The following RNF111 variants were observed in gnomAD, a reference collection of about 807,000 sequenced individuals.
RNF111 encodes ring finger protein 111.
A neutral mutation model predicts 95.1 loss-of-function variants in RNF111; 17 were observed. That is an observed-to-expected ratio of 0.18 (90% CI 0.12 to 0.27). The LOEUF is 0.27. RNF111 is among the 10% of genes least tolerant of loss of function. The pLI, the probability that RNF111 is intolerant of heterozygous loss-of-function variation, is 1.00. For synonymous variants in RNF111, 440 were observed against 414.8 expected (o/e 1.06, Z -0.74); for missense variants, 1,189 against 1,210.4 (o/e 0.98, Z 0.26).
At position 59,080,980 on chromosome 15, in the gene RNF111, C is replaced by T; in HGVS notation, c.1993C>T (p.Pro665Ser). 1 of 1,613,874 alleles carries T rather than the reference C, an allele frequency of 6.2e-7. No individual in the cohort carries two copies. Among genetic ancestry groups the T allele is most frequent in the Non-Finnish European group, 8.5e-7 (1 of 1,179,864 alleles). The change falls in exon 8 of 14, where the codon CCG becomes TCG. Residue 665 changes from proline to serine, a missense_variant. By Grantham distance (74) the Pro-to-Ser change is moderately conservative. This residue lies in a region of RNF111 where 1,024 missense variants were observed against 925.9 expected (regional missense o/e 1.11). Transcript: ENST00000348370. Reference protein sequence around the residue: ...RPLHHQASACPHSHGNPPPQT... With the variant: ...RPLHHQASACSHSHGNPPPQT... ...ACTTCATCATCAAGCTTCTGCCTGC[C>T]CGCATTCTCATGGAAACCCCCCTCC...
intron 2 of RNF111, among the ~76,000 whole-genome samples, chr15:59,041,571 A>G (rs1380394302): frequency 2.6e-5 from 4 of 152,214 alleles, no homozygotes; most frequent in African/African-American, 9.6e-5. Flanking sequence ...AAAAGAAAAA[A>G]AAAATTACTG....
At chr15:58,989,011 G>A (rs1567190670) in intron 1 of RNF111, among the ~76,000 whole-genome samples, 1 of 152,092 alleles carries the variant, frequency 6.6e-6, no homozygotes, top group African/African-American at 2.4e-5. Context: ...AGAACAAACT[G>A]GGAAAAACAT....
intron 2 of RNF111, among the ~76,000 whole-genome samples, chr15:59,040,382 G>T (rs1402385141): frequency 6.6e-6 from 1 of 151,948 alleles, no homozygotes; most frequent in East Asian, 1.9e-4. Context: ...TACCATGTTA[G>T]CCTCCTCATT....
intron 2 of RNF111, among the ~76,000 whole-genome samples, chr15:59,042,354 T>A (rs2041506373): frequency 6.6e-6 from 1 of 152,156 alleles, no homozygotes. Flanking sequence ...CTTGAACTTC[T>A]GAGCTCAAGT....
chr15:59,050,412 G>C (rs1408001276), intron 2 of RNF111: 4 of 152,272 alleles, frequency 2.6e-5, no homozygotes, highest in Non-Finnish European at 4.4e-5. Flanking sequence ...GAAGATGGTG[G>C]TTTCTGGCGA....
rs2079165515 is a variant in RNF111, at chr15:59,095,694, A to G, written c.*794A>G. On this transcript the variant is annotated 3_prime_UTR_variant, in exon 14 of 14. Coordinates refer to ENST00000348370, the MANE Select transcript of RNF111 (RefSeq NM_017610.8). ...GAAACAGCTCTGATGAACACTAAATATTAATTTCAATTAGCTAGATTGTAC... is the reference window on the plus strand; with the variant it reads ...GAAACAGCTCTGATGAACACTAAATGTTAATTTCAATTAGCTAGATTGTAC... 1 of 247,942 alleles carries G rather than the reference A, an allele frequency of 4.0e-6. No individual in the cohort carries two copies. Among genetic ancestry groups the G allele is most frequent in the Non-Finnish European group, 7.6e-6 (1 of 131,616 alleles). The allele number at this position is 247,942 out of a possible 1,614,324, so 15.4% of individuals were successfully genotyped here.
At chr15:59,073,086 T>G (rs2043011389) in intron 6 of RNF111, among the ~76,000 whole-genome samples, 1 of 151,974 alleles carries the variant, frequency 6.6e-6, no homozygotes, top group African/African-American at 2.4e-5. Context: ...GTTGGGAGGA[T>G]TGCTTGAGCT....
intron 10 of RNF111, among the ~76,000 whole-genome samples, chr15:59,088,564 A>G (rs1173742933): frequency 6.6e-6 from 1 of 152,212 alleles, no homozygotes; most frequent in East Asian, 1.9e-4. Flanking sequence ...GGCTAATTAA[A>G]AAGTAATGTC....
intron 1 of RNF111, among the ~76,000 whole-genome samples, chr15:59,020,165 A>G (rs1172232798): frequency 6.7e-6 from 1 of 148,716 alleles, no homozygotes; most frequent in Non-Finnish European, 1.5e-5. Context: ...AATTTGTTAG[A>G]TATGTAATAT....
Position 59,097,321 on chromosome 15 carries a change from T to A in RNF111, c.*2421T>A, listed in dbSNP as rs1230836080. 1 of 152,268 alleles carries A rather than the reference T, an allele frequency of 6.6e-6. No homozygotes were observed. The highest frequency in any genetic ancestry group is 6.5e-5 in the Admixed American group (1 of 15,286). The allele number at this position is 152,268 out of a possible 1,614,324, so 9.4% of individuals were successfully genotyped here. A position where few individuals can be genotyped will look rare whatever the true frequency, so the allele number is the denominator to read the frequency against. On this transcript the variant is annotated 3_prime_UTR_variant, in exon 14 of 14. Transcript: ENST00000348370. ...AACATGCAAGTGATAAACTGATAAT[T>A]TGAAACATTTTTCTTACTCTGGTGA...
At chr15:59,088,030 G>T (rs1454539433) in intron 10 of RNF111, among the ~76,000 whole-genome samples, 1 of 152,108 alleles carries the variant, frequency 6.6e-6, no homozygotes, top group Non-Finnish European at 1.5e-5. Context: ...GGCTGTGAAG[G>T]GAAAGTGAAG....
At chr15:58,998,610 AGTT>A (rs1308888634) in intron 1 of RNF111, among the ~76,000 whole-genome samples, 4 of 152,320 alleles carry the variant, frequency 2.6e-5, no homozygotes, top group South Asian at 2.1e-4. Context: ...AGCAAACTGT[AGTT>A]GTGTGAACTT....
At chr15:58,992,431 C>A (rs1336378853) in intron 1 of RNF111, among the ~76,000 whole-genome samples, 1 of 152,136 alleles carries the variant, frequency 6.6e-6, no homozygotes. Context: ...CTGGCACAAT[C>A]TGGATAATTG....
intron 1 of RNF111, among the ~76,000 whole-genome samples, chr15:58,994,248 A>G (rs2038946640): frequency 6.6e-6 from 1 of 151,696 alleles, no homozygotes; most frequent in Non-Finnish European, 1.5e-5. Context: ...TATGTTGGCC[A>G]GGCTGGTCTC....
At chr15:59,091,003 C>A in intron 11 of RNF111, 56 bp from the exon 12 acceptor site, 1 of 1,031,774 alleles carries the variant, frequency 9.7e-7, no homozygotes, top group Non-Finnish European at 1.5e-6. Flanking sequence ...GTTGACAGTT[C>A]TGTTCAAGGA....
At chr15:59,052,150 T>C (rs189295551) in intron 2 of RNF111, among the ~76,000 whole-genome samples, 155 bp from the exon 3 acceptor site, 1 of 152,344 alleles carries the variant, frequency 6.6e-6, no homozygotes, top group East Asian at 1.9e-4. Flanking sequence ...TGTGTGTTTT[T>C]TGTTCCTTGT....
At chr15:59,061,857 T>C (rs1421378648) in intron 5 of RNF111, among the ~76,000 whole-genome samples, 1 of 152,194 alleles carries the variant, frequency 6.6e-6, no homozygotes, top group East Asian at 1.9e-4. Context: ...TTCTGACTCC[T>C]TTCATAATGA....
At chr15:59,005,368 G>A (rs2039496189) in intron 1 of RNF111, among the ~76,000 whole-genome samples, 1 of 152,122 alleles carries the variant, frequency 6.6e-6, no homozygotes, top group South Asian at 2.1e-4. Flanking sequence ...TATTTTGACT[G>A]ACCTAAATCA....
intron 6 of RNF111, among the ~76,000 whole-genome samples, chr15:59,069,262 A>G (rs1315143877): frequency 5.3e-5 from 8 of 152,192 alleles, no homozygotes; most frequent in African/African-American, 1.7e-4. Context: ...GGGAGCATCA[A>G]GAAGAATTTT....
Sources: gnomAD v4.1 joint callset for allele counts (sites outside exome capture counted in the v4.1 genomes callset) on GRCh38, gnomAD v4.1.1 for gene constraint, gnomAD v4.1.1 regional missense constraint, MANE v1.5 for transcripts, NCBI Gene and HGNC (gene_info 2026-07-23, HGNC 2026-07-21) for gene names.